The following MCC variants were observed in gnomAD, a reference collection of about 807,000 sequenced individuals.
The protein encoded by MCC is MCC regulator of Wnt signaling pathway.
MCC carries 90 observed loss-of-function variants against 116.2 expected under a neutral mutation model. The observed-to-expected ratio is 0.77, with a 90% CI of 0.65 to 0.92. The LOEUF is 0.92. Ranked by LOEUF, MCC falls within the 40% of genes least tolerant of loss-of-function variation. MCC has a pLI of 0.00. For missense variants in MCC, 1,516 were observed against 1,312.2 expected, an observed-to-expected ratio of 1.16 and a Z score of -2.40; for synonymous variants, 578 against 510.5, an observed-to-expected ratio of 1.13 and a Z score of -1.78.
chr5:113,357,083 C>T (rs1486019137), intron 2 of MCC, among the ~76,000 whole-genome samples: 2 of 152,180 alleles, frequency 1.3e-5, no homozygotes, highest in Admixed American at 6.5e-5. Context: ...AGCTATGTGA[C>T]ATCAAGCAAG....
chr5:113,175,091 C>T (rs1035688638), intron 3 of MCC, among the ~76,000 whole-genome samples: 4 of 152,086 alleles, frequency 2.6e-5, no homozygotes, highest in East Asian at 1.9e-4. Flanking sequence ...TTAGCTCTTC[C>T]GTGATATACT....
chr5:113,100,750 C>G (rs969508608), intron 8 of MCC, among the ~76,000 whole-genome samples: 1 of 152,120 alleles, frequency 6.6e-6, no homozygotes, highest in Non-Finnish European at 1.5e-5. Flanking sequence ...GGATTACAGG[C>G]GTGAGCCACT....
rs1249398681 is a variant in MCC, at chr5:113,185,145, A to C, written c.628-33723T>G. On this transcript the variant is annotated intron_variant, in intron 3 of 18. Coordinates refer to ENST00000408903, the MANE Select transcript of MCC (RefSeq NM_001085377.2). ...TCAACTTAATGAAGAGAGAGTGGGC[A>C]TAAGGGGTTGAATTCATCCAACTTT... Among the ~76,000 whole-genome samples, 5 of 152,296 alleles carry C rather than the reference A, an allele frequency of 3.3e-5. No homozygotes were observed. The Middle Eastern group carries it at 0.01, about 311-fold the overall frequency.
chr5:113,082,795 A>G lies in MCC; in HGVS notation c.1784+65T>C, dbSNP rs145255290. 6.3e-6 allele frequency: 10 copies of G among 1,574,964 alleles called. No homozygotes were observed. The African/African-American group carries it at 9.4e-5, about 15-fold the overall frequency. ...TAAGCCACCTTGAACAGATCTTTGG[A>G]AAGAGAAGTGAGGAGTAGCACCTCC... On this transcript the variant is annotated intron_variant, in intron 11 of 18. Transcript: ENST00000408903.
In MCC at chr5:113,469,394, G is replaced by A. The variant is rs1437228867; in HGVS notation, c.170+18851C>T. ...TCTGGTATGTTGTGTCTTTGTTCTC[G>A]TTGGTTTCAAAGAACATCTTTATTT... On this transcript the variant is annotated intron_variant, in intron 1 of 18. Transcript: ENST00000408903. Among the ~76,000 whole-genome samples the A allele has an allele frequency of 2.0e-4, 31 of 152,106 alleles. No individual in the cohort carries two copies. In the East Asian group the frequency reaches 3.3e-3, roughly 16 times the overall value.
At chr5:113,258,406 G>C (rs1007577793) in intron 3 of MCC, among the ~76,000 whole-genome samples, 4 of 152,220 alleles carry the variant, frequency 2.6e-5, no homozygotes, top group African/African-American at 7.2e-5. Flanking sequence ...TTAGGAACCA[G>C]AGCACACAGC....
chr5:113,377,957 G>A (rs77014620), intron 2 of MCC, among the ~76,000 whole-genome samples: 3,642 of 152,322 alleles, frequency 0.024, 56 homozygotes, highest in Middle Eastern at 0.044. Flanking sequence ...AAATGGGGCT[G>A]AAGGCTATCG....
chr5:113,256,816 G>C (rs993379596), intron 3 of MCC, among the ~76,000 whole-genome samples: 1 of 152,072 alleles, frequency 6.6e-6, no homozygotes, highest in Admixed American at 6.6e-5. Flanking sequence ...TCAAACCTGG[G>C]TTAATGCCAA....
At chr5:113,195,323 A>T (rs1457366987) in intron 3 of MCC, among the ~76,000 whole-genome samples, 1 of 152,218 alleles carries the variant, frequency 6.6e-6, no homozygotes, top group Non-Finnish European at 1.5e-5. Flanking sequence ...GCAGAAAGCA[A>T]ATTATAACAA....
intron 1 of MCC, among the ~76,000 whole-genome samples, chr5:113,426,614 T>C (rs945474850): frequency 1.3e-5 from 2 of 152,204 alleles, no homozygotes; most frequent in Non-Finnish European, 2.9e-5. Context: ...CTTGTGACCC[T>C]GGGGCAATAT....
At chr5:113,110,167 C>A (rs555941494) in intron 6 of MCC, among the ~76,000 whole-genome samples, 1 of 152,068 alleles carries the variant, frequency 6.6e-6, no homozygotes, top group African/African-American at 2.4e-5. Flanking sequence ...AGAGAGGAGG[C>A]CTTTGGTAGC....
At chr5:113,281,694 A>C (rs902276555) in intron 3 of MCC, among the ~76,000 whole-genome samples, 4 of 152,254 alleles carry the variant, frequency 2.6e-5, no homozygotes, top group Non-Finnish European at 4.4e-5. Context: ...ATTTGGATAA[A>C]CATTTTCCCA....
intron 1 of MCC, among the ~76,000 whole-genome samples, chr5:113,485,522 T>C (rs1373274703): frequency 6.6e-6 from 1 of 152,250 alleles, no homozygotes; most frequent in Non-Finnish European, 1.5e-5. Context: ...AGCTCTGCTT[T>C]AATGATACAG....
At chr5:113,107,212 T>C (rs1756792004) in intron 6 of MCC, among the ~76,000 whole-genome samples, 1 of 129,008 alleles carries the variant, frequency 7.8e-6, no homozygotes, top group Non-Finnish European at 1.5e-5. Flanking sequence ...GTTTTTCTTT[T>C]TTTTTTTTCT....
At chr5:113,061,944 G>C (rs1293954821) in intron 14 of MCC, among the ~76,000 whole-genome samples, 1 of 152,218 alleles carries the variant, frequency 6.6e-6, no homozygotes, top group Non-Finnish European at 1.5e-5. Flanking sequence ...AATTATGAAA[G>C]GGGTCTGGTG....
chr5:113,151,897 G>A (rs1759897801), intron 3 of MCC, among the ~76,000 whole-genome samples: 1 of 144,176 alleles, frequency 6.9e-6, no homozygotes, highest in African/African-American at 2.5e-5. Flanking sequence ...GACAGGCACT[G>A]AGCATTAAGG....
At chr5:113,287,515 C>CA (rs1478147768) in intron 3 of MCC, among the ~76,000 whole-genome samples, 1 of 152,036 alleles carries the variant, frequency 6.6e-6, no homozygotes, top group Non-Finnish European at 1.5e-5. Context: ...TTAGTAGAGA[C>CA]AGAGTTTCAC....
chr5:113,143,905 C>A (rs1164041322), intron 4 of MCC, among the ~76,000 whole-genome samples: 1 of 152,174 alleles, frequency 6.6e-6, no homozygotes, highest in Non-Finnish European at 1.5e-5. Context: ...ATTTTTCAAC[C>A]AAATAATCCT....
intron 4 of MCC, among the ~76,000 whole-genome samples, chr5:113,144,635 G>A (rs113539788): frequency 6.6e-6 from 1 of 152,174 alleles, no homozygotes; most frequent in Non-Finnish European, 1.5e-5. Flanking sequence ...TGAAACAGAA[G>A]TACTCAACAA....
Sources: gnomAD v4.1 joint callset for allele counts (sites outside exome capture counted in the v4.1 genomes callset) on GRCh38, gnomAD v4.1.1 for gene constraint, MANE v1.5 for transcripts, NCBI Gene and HGNC (gene_info 2026-07-23, HGNC 2026-07-21) for gene names.